TXNL4A: variants seen among roughly 807,000 people sequenced by gnomAD.
The protein encoded by TXNL4A is thioredoxin-like protein 4A.
A neutral mutation model predicts 14.6 loss-of-function variants in TXNL4A; 17 were observed. The ratio of observed to expected loss-of-function variants is 1.16; its 90% confidence interval spans 0.80 to 1.74. The LOEUF is 1.74. TXNL4A is among the 40% of genes most tolerant of loss of function. The probability of loss-of-function intolerance (pLI) is 0.00; values close to 1 mark genes in which losing one functional copy is unlikely to be tolerated. For missense variants in TXNL4A, 74 were observed against 195.2 expected (o/e 0.38, Z 3.70); for synonymous variants, 83 against 70.6 (o/e 1.18, Z -0.88).
intron 1 of TXNL4A, among the ~76,000 whole-genome samples, chr18:79,985,241 A>C (rs549933962): frequency 6.6e-6 from 1 of 152,158 alleles, no homozygotes; most frequent in South Asian, 2.1e-4. Flanking sequence ...AACTGCATAA[A>C]ATCAGCTGCT....
intron 1 of TXNL4A, chr18:79,986,825 A>C: frequency 2.1e-6 from 2 of 956,038 alleles, no homozygotes; most frequent in Non-Finnish European, 2.5e-6. Context: ...CTTATTGGGA[A>C]ACTGCTCTTA....
At chr18:79,975,829 G>C (rs1213810274) in intron 2 of TXNL4A, among the ~76,000 whole-genome samples, 1 of 152,166 alleles carries the variant, frequency 6.6e-6, no homozygotes, top group South Asian at 2.1e-4. Flanking sequence ...GCAAAGTCTC[G>C]GAGGTGCTGC....
intron 1 of TXNL4A, among the ~76,000 whole-genome samples, chr18:80,003,980 G>T (rs540320975): frequency 6.6e-6 from 1 of 152,198 alleles, no homozygotes; most frequent in East Asian, 1.9e-4. Flanking sequence ...TGACACATGG[G>T]GATTACAATT....
At chr18:80,019,744 T>C (rs1262461189) in intron 1 of TXNL4A, among the ~76,000 whole-genome samples, 1 of 152,206 alleles carries the variant, frequency 6.6e-6, no homozygotes, top group African/African-American at 2.4e-5. Flanking sequence ...TTTAAAGGTT[T>C]CCCAAGTATG....
chr18:80,005,679 C>G (rs1014425939), intron 1 of TXNL4A, among the ~76,000 whole-genome samples: 42 of 152,204 alleles, frequency 2.8e-4, no homozygotes, highest in African/African-American at 7.7e-4. Context: ...CTTTGGGAGG[C>G]TGAGGCGGGC....
intron 1 of TXNL4A, among the ~76,000 whole-genome samples, chr18:80,013,122 A>AAT (rs1491451573): frequency 1.0e-4 from 10 of 96,156 alleles, no homozygotes; most frequent in African/African-American, 2.9e-4. Flanking sequence ...AAAAAAAAAA[A>AAT]TTTTTTTTTT....
chr18:79,988,005 A>G (rs2051579830), intron 1 of TXNL4A, among the ~76,000 whole-genome samples: 1 of 152,240 alleles, frequency 6.6e-6, no homozygotes, highest in Non-Finnish European at 1.5e-5. Context: ...GAGGAGGGGG[A>G]TCATAAACCC....
chr18:80,030,897 T>C (rs2051916780), intron 1 of TXNL4A, among the ~76,000 whole-genome samples: 1 of 151,868 alleles, frequency 6.6e-6, no homozygotes, highest in African/African-American at 2.4e-5. Context: ...AACCCGGGAG[T>C]TGGAGGTTGC....
At chr18:79,991,743 C>T (rs759705883), upstream of TXNL4A, among the ~76,000 whole-genome samples, 82 of 152,308 alleles carry the variant, frequency 5.4e-4, no homozygotes, top group Admixed American at 2.2e-3. Context: ...TTCAGTTTTT[C>T]CACATTCTTG....
At chr18:79,975,746 C>T (rs549635074) in intron 2 of TXNL4A, among the ~76,000 whole-genome samples, 8 of 152,012 alleles carry the variant, frequency 5.3e-5, no homozygotes, top group South Asian at 2.1e-4. Context: ...AACAGGGACA[C>T]GGGGTCCGCA....
intron 1 of TXNL4A, chr18:79,986,752 T>A (rs1295876617): frequency 6.3e-5 from 62 of 985,350 alleles, no homozygotes; most frequent in Non-Finnish European, 7.3e-5. Flanking sequence ...TGCCACCACC[T>A]GCAATGTAGA....
At chr18:80,021,726 GAGA>G (rs1275402896) in intron 1 of TXNL4A, among the ~76,000 whole-genome samples, 1 of 152,222 alleles carries the variant, frequency 6.6e-6, no homozygotes, top group African/African-American at 2.4e-5. Flanking sequence ...TGCAATGCTT[GAGA>G]AGGTTTTGTG....
intron 1 of TXNL4A, among the ~76,000 whole-genome samples, chr18:80,005,320 C>T (rs953880179): frequency 6.6e-6 from 1 of 152,216 alleles, no homozygotes; most frequent in South Asian, 2.1e-4. Flanking sequence ...TTGGCAAGCT[C>T]CCCTGGGGGG....
At chr18:79,999,311 G>C (rs1007329463) in intron 1 of TXNL4A, among the ~76,000 whole-genome samples, 1 of 151,956 alleles carries the variant, frequency 6.6e-6, no homozygotes, top group Non-Finnish European at 1.5e-5. Context: ...CGAGGCGGGC[G>C]GATCACATGA....
intron 1 of TXNL4A, among the ~76,000 whole-genome samples, chr18:80,008,296 A>G (rs1296482555): frequency 2.0e-5 from 3 of 152,116 alleles, no homozygotes; most frequent in African/African-American, 4.8e-5. Flanking sequence ...TTTAAGTTCT[A>G]TGGGGCTATC....
chr18:80,012,421 AT>A (rs1453168326), intron 1 of TXNL4A, among the ~76,000 whole-genome samples: 1 of 152,210 alleles, frequency 6.6e-6, no homozygotes, highest in Non-Finnish European at 1.5e-5. Flanking sequence ...GGGTTTAAAA[AT>A]AACACACTGG....
intron 1 of TXNL4A, among the ~76,000 whole-genome samples, chr18:79,994,216 G>A (rs1246202954): frequency 1.3e-5 from 2 of 152,144 alleles, no homozygotes; most frequent in Non-Finnish European, 2.9e-5. Context: ...AGTTACAATG[G>A]CCTAAATGGG....
At chr18:80,004,551 G>A (rs1344532786) in intron 1 of TXNL4A, among the ~76,000 whole-genome samples, 1 of 152,162 alleles carries the variant, frequency 6.6e-6, no homozygotes, top group Non-Finnish European at 1.5e-5. Context: ...TGCAGCAGGA[G>A]CTCTGGGTTA....
At chr18:80,014,074 A>G (rs1271179855) in intron 1 of TXNL4A, among the ~76,000 whole-genome samples, 1 of 151,606 alleles carries the variant, frequency 6.6e-6, no homozygotes, top group African/African-American at 2.4e-5. Flanking sequence ...TGATTCAATT[A>G]CCTCCCCCTG....
Sources: gnomAD v4.1 joint callset for allele counts (sites outside exome capture counted in the v4.1 genomes callset) on GRCh38, gnomAD v4.1.1 for gene constraint, MANE v1.5 for transcripts, NCBI Gene and HGNC (gene_info 2026-07-23, HGNC 2026-07-21) for gene names.